Variants in TJP3 observed in about 807,000 individuals in gnomAD.
The protein encoded by TJP3 is tight junction protein ZO-3.
Under a neutral mutation model 104.2 loss-of-function variants are expected in TJP3, and 85 were observed. The observed-to-expected ratio is 0.82, with a 90% CI of 0.68 to 0.98. The LOEUF is 0.98. TJP3 is among the 50% of genes least tolerant of loss of function. The probability of loss-of-function intolerance (pLI) is 0.00; values close to 1 mark genes in which losing one functional copy is unlikely to be tolerated. For missense variants in TJP3, 1,367 were observed against 1,322.8 expected (o/e 1.03, Z -0.52); for synonymous variants, 550 against 550.6 (o/e 1.00, Z 0.02).
At chr19:3,724,357 T>G (rs568548687) in intron 1 of TJP3, among the ~76,000 whole-genome samples, 38 of 151,914 alleles carry the variant, frequency 2.5e-4, no homozygotes, top group East Asian at 9.7e-4. Context: ...CACCACGCCC[T>G]GCTAATTTTT....
rs1187733186 is a variant in TJP3, at chr19:3,730,610, G to A, written c.517G>A (p.Gly173Arg). ...CCCAGGTGGTGGCTCTGAGGCCAAC[G>A]GGCTGGCCCTGGTGTCCGGCTTTAA... ...RSPGGGSEAN[G>R]LALVSGFKRL... Residue 173 changes from glycine (G) to arginine (R), a missense_variant, in exon 5 of 21, where the codon GGG (glycine) becomes AGG (arginine). By Grantham distance (125) the Gly-to-Arg change is moderately radical (BLOSUM62 -2). Transcript: ENST00000541714. The surrounding 1 kb of genome is among the most constrained non-coding windows in gnomAD (Gnocchi z 7.3). 1.1e-5 allele frequency: 17 copies of A among 1,611,714 alleles called. No homozygotes were observed. Among genetic ancestry groups the A allele is most frequent in the African/African-American group, 2.7e-5 (2 of 75,058 alleles).
chr19:3,741,244 A>T (rs890905189), intron 14 of TJP3, among the ~76,000 whole-genome samples: 2 of 151,468 alleles, frequency 1.3e-5, no homozygotes, highest in African/African-American at 4.8e-5. Flanking sequence ...CTCACGATCC[A>T]CCCGCTTCAG....
At chr19:3,728,827 C>A in intron 3 of TJP3, 114 bp downstream of exon 3, 2 of 1,121,192 alleles carry the variant, frequency 1.8e-6, no homozygotes, top group Admixed American at 2.1e-5. Context: ...CTGAAGTGGG[C>A]GGATCACCTG....
chr19:3,743,950 C>A lies in TJP3; in HGVS notation c.1855C>A (p.Arg619Ser). ...RVVLREASFKRPVVILGPVAD... is the reference protein window; with the variant it reads ...RVVLREASFKSPVVILGPVAD... ...TCTCTACCCCTCAGCCAGTTTCAAG[C>A]GCCCGGTAGTGATCCTGGGACCCGT... Residue 619 changes from arginine to serine, a missense_variant, in exon 15 of 21, where the codon CGC becomes AGC. Coordinates refer to ENST00000541714, the MANE Select transcript of TJP3 (RefSeq NM_001267560.2). 2.5e-6 allele frequency: 4 copies of A among 1,614,108 alleles called. No individual in the cohort carries two copies. The highest frequency in any genetic ancestry group is 3.4e-6 in the Non-Finnish European group (4 of 1,180,020).
At position 3,750,288 on chromosome 19, in the gene TJP3, G is replaced by C; in HGVS notation, c.2657+104G>C. 5 of 1,491,216 alleles carry C rather than the reference G, an allele frequency of 3.4e-6. No individual in the cohort carries two copies. In the South Asian group the frequency reaches 5.8e-5, roughly 17 times the overall value. The allele number at this position is 1,491,216 out of a possible 1,614,324, so 92.4% of individuals were successfully genotyped here. A position where few individuals can be genotyped will look rare whatever the true frequency, so the allele number is the denominator to read the frequency against. On this transcript the variant is annotated intron_variant, in intron 20 of 20. Transcript: ENST00000541714. ...AAGCTATGCCTTCATGGTGCCCCTAGCCTAGTGGGGAAGACAGAGCCTGCC... is the reference window on the plus strand; with the variant it reads ...AAGCTATGCCTTCATGGTGCCCCTACCCTAGTGGGGAAGACAGAGCCTGCC...
At chr19:3,716,588 C>A (rs887788559) in intron 1 of TJP3, among the ~76,000 whole-genome samples, 9 of 146,710 alleles carry the variant, frequency 6.1e-5, no homozygotes, top group African/African-American at 2.2e-4. Context: ...TAAACATGGC[C>A]CGGGAGCCCC....
rs757111841 is a variant in TJP3 at position 3,734,466 on chromosome 19, TAGGGAGGGAG to T, written c.986+39_986+48del. On this transcript the variant is annotated intron_variant, in intron 8 of 20. Coordinates refer to ENST00000541714, the MANE Select transcript of TJP3 (RefSeq NM_001267560.2). ...TATCACCCATCGGCCAGAATGGTGATAGGGAGGGAGAGGGAGGTGGGAGGGAGAGGGGAAC... is the reference window on the plus strand; with the variant it reads ...TATCACCCATCGGCCAGAATGGTGATAGGGAGGTGGGAGGGAGAGGGGAAC... 1.9e-5 allele frequency: 29 copies of T among 1,564,588 alleles called. No individual in the cohort carries two copies. The Admixed American group carries it at 5.3e-4, about 29-fold the overall frequency.
At chr19:3,728,986 G>A (rs1340283794) in intron 3 of TJP3, among the ~76,000 whole-genome samples, 3 of 152,206 alleles carry the variant, frequency 2.0e-5, no homozygotes, top group Non-Finnish European at 4.4e-5. Flanking sequence ...CCGGGAGGCA[G>A]AGGTTGCGGT....
At chr19:3,729,140 G>C (rs901956095) in intron 3 of TJP3, among the ~76,000 whole-genome samples, 16 of 152,186 alleles carry the variant, frequency 1.1e-4, no homozygotes, top group Non-Finnish European at 1.9e-4. Context: ...TTGGCAGTAG[G>C]ACAGTGTCAG....
intron 14 of TJP3, among the ~76,000 whole-genome samples, chr19:3,742,163 G>A (rs1568386741): frequency 6.6e-6 from 1 of 152,158 alleles, no homozygotes; most frequent in African/African-American, 2.4e-5. Flanking sequence ...ACCGGGCGTG[G>A]TGGCTCACGC....
At chr19:3,719,049 T>A (rs1034859350) in intron 1 of TJP3, among the ~76,000 whole-genome samples, 1 of 151,524 alleles carries the variant, frequency 6.6e-6, no homozygotes, top group Admixed American at 6.6e-5. Flanking sequence ...CCACGCGTGG[T>A]GGCCGGCGCC....
At chr19:3,710,526 T>C (rs541218821) in intron 1 of TJP3, among the ~76,000 whole-genome samples, 26 of 152,310 alleles carry the variant, frequency 1.7e-4, no homozygotes, top group Admixed American at 5.2e-4. Flanking sequence ...CTCGTGGCCC[T>C]GAGTCCCGGG....
intron 8 of TJP3, among the ~76,000 whole-genome samples, chr19:3,735,231 A>C (rs2036723065): frequency 6.6e-6 from 1 of 151,858 alleles, no homozygotes; most frequent in African/African-American, 2.4e-5. Flanking sequence ...ACAAGGTCTC[A>C]CTCTGTCGCC....
At chr19:3,725,267 C>T (rs1468547590) in intron 1 of TJP3, among the ~76,000 whole-genome samples, 1 of 149,048 alleles carries the variant, frequency 6.7e-6, no homozygotes, top group Non-Finnish European at 1.5e-5. Flanking sequence ...GTCTCAAAAA[C>T]CAAACAACCA....
chr19:3,723,167 A>G (rs573254358), intron 1 of TJP3, among the ~76,000 whole-genome samples: 7 of 152,268 alleles, frequency 4.6e-5, no homozygotes, highest in African/African-American at 1.4e-4. Flanking sequence ...ATCCCTGCCC[A>G]TCGGGAGCGC....
Position 3,746,062 on chromosome 19 carries a change from T to C in TJP3, c.1991T>C (p.Val664Ala). The C allele has an allele frequency of 1.2e-6, 2 of 1,609,480 alleles. No homozygotes were observed. The highest frequency in any genetic ancestry group is 1.7e-6 in the Non-Finnish European group (2 of 1,177,810). The stretch of plus-strand genomic sequence containing the variant: ...TCCAAGATCATCAAACTAGACACCG[T>C]GCGGGTGATTGCAGAAAAAGTAAGC... ...SPSKIIKLDT[V>A]RVIAEKDKHA... The change falls in exon 16 of 21, where the codon GTG becomes GCG. Residue 664 changes from valine to alanine, a missense_variant. Transcript: ENST00000541714. This position sits in a 1 kb window ranked among gnomAD's most constrained non-coding sequence, Gnocchi z 4.1.
intron 1 of TJP3, 69 bp from the exon 2 acceptor site, chr19:3,728,354 CT>C (rs1433767600): frequency 3.1e-6 from 5 of 1,612,090 alleles, no homozygotes; most frequent in Non-Finnish European, 4.2e-6. Flanking sequence ...CCACCCTGAG[CT>C]GGGGACCCCC....
intron 6 of TJP3, among the ~76,000 whole-genome samples, chr19:3,732,458 AT>A (rs1041851827): frequency 2.0e-5 from 3 of 151,120 alleles, no homozygotes; most frequent in Non-Finnish European, 4.4e-5. Flanking sequence ...CTAGTGTTTG[AT>A]TTCCAAATTG....
chr19:3,730,835 C>T lies in TJP3; in HGVS notation c.613+129C>T. On this transcript the variant is annotated intron_variant, in intron 5 of 20. Coordinates refer to ENST00000541714, the MANE Select transcript of TJP3 (RefSeq NM_001267560.2). This position sits in a 1 kb window ranked among gnomAD's most constrained non-coding sequence, Gnocchi z 7.3. ...GGCTGGGACTCCAGGCGCCCGCCAC[C>T]ATGCCTGGCTAATTTTTGTACTTTT... The T allele has an allele frequency of 1.0e-6, 1 of 975,726 alleles. No individual in the cohort carries two copies. Among genetic ancestry groups the T allele is most frequent in the African/African-American group, 1.7e-5 (1 of 59,392 alleles). The allele number at this position is 975,726 out of a possible 1,614,324, so 60.4% of individuals were successfully genotyped here. A position where few individuals can be genotyped will look rare whatever the true frequency, so the allele number is the denominator to read the frequency against.
Sources: allele counts gnomAD v4.1 joint callset (sites outside exome capture counted in the v4.1 genomes callset), GRCh38; gene constraint gnomAD v4.1.1; non-coding constraint Gnocchi (gnomAD v3.1); transcripts MANE v1.5; gene names NCBI Gene and HGNC (gene_info 2026-07-23, HGNC 2026-07-21).